ASB3: variants seen among roughly 807,000 people sequenced by gnomAD.
The protein encoded by ASB3 is ankyrin repeat and SOCS box protein 3.
A neutral mutation model predicts 54.5 loss-of-function variants in ASB3; 41 were observed. The ratio of observed to expected loss-of-function variants is 0.75; its 90% CI spans 0.59 to 0.98. ASB3 has a LOEUF of 0.98. Among genes scored for constraint, ASB3 ranks in the 50% least tolerant of loss-of-function variants. The pLI is 0.00. For synonymous variants in ASB3, 266 were observed against 221.2 expected (o/e 1.20, Z -1.80); for missense variants, 733 against 620.0 (o/e 1.18, Z -1.94).
chr2:53,745,053 C>T (rs893069956), intron 3 of ASB3, among the ~76,000 whole-genome samples: 1 of 152,142 alleles, frequency 6.6e-6, no homozygotes, highest in Non-Finnish European at 1.5e-5. Flanking sequence ...ATTTGAGCCT[C>T]CAATTTAGCA....
In ASB3 at chr2:53,671,700, AG is replaced by A. The variant is rs774040868; in HGVS notation, c.1370-1011del. On this transcript the variant is annotated intron_variant, in intron 9 of 9. Coordinates refer to ENST00000263634, the MANE Select transcript of ASB3 (RefSeq NM_016115.5). ...CTTGAACCTGGGAGGCGGAGGTTGC[AG>A]TGAGCCGAGATCATGCCACTGCACT... Among the ~76,000 whole-genome samples the A allele has an allele frequency of 8.8e-5, 13 of 148,060 alleles. 1 individual carries two copies. The highest frequency in any genetic ancestry group is 2.0e-4 in the Non-Finnish European group (13 of 66,220).
intron 9 of ASB3, among the ~76,000 whole-genome samples, chr2:53,691,963 C>A (rs948580600): frequency 1.3e-5 from 2 of 152,168 alleles, no homozygotes; most frequent in African/African-American, 2.4e-5. Flanking sequence ...ACACAAGAGT[C>A]ACTGTGGATC....
intron 2 of ASB3, among the ~76,000 whole-genome samples, chr2:53,758,661 A>C (rs1672971302): frequency 6.6e-6 from 1 of 152,194 alleles, no homozygotes; most frequent in Non-Finnish European, 1.5e-5. Flanking sequence ...GGGGTGCAGG[A>C]CTGCTACATT....
chr2:53,763,019 C>G (rs765283348), intron 2 of ASB3, among the ~76,000 whole-genome samples: 5 of 152,036 alleles, frequency 3.3e-5, no homozygotes, highest in Non-Finnish European at 5.9e-5. Flanking sequence ...TTTGGGTGCA[C>G]TAATTATCTT....
chr2:53,702,993 T>C (rs1322759546), intron 7 of ASB3, among the ~76,000 whole-genome samples: 1 of 152,248 alleles, frequency 6.6e-6, no homozygotes, highest in Non-Finnish European at 1.5e-5. Flanking sequence ...CCACACGATA[T>C]GGTGGCTAGA....
At chr2:53,727,261 A>G (rs186284239) in intron 5 of ASB3, among the ~76,000 whole-genome samples, 49 of 152,330 alleles carry the variant, frequency 3.2e-4, no homozygotes, top group Admixed American at 2.1e-3. Flanking sequence ...ATTGGCACTT[A>G]ATGAATGTTT....
chr2:53,745,324 A>G (rs1292260992), intron 3 of ASB3, among the ~76,000 whole-genome samples: 1 of 152,222 alleles, frequency 6.6e-6, no homozygotes, highest in Non-Finnish European at 1.5e-5. Context: ...GTGTGCTAGC[A>G]AAAAGATGTT....
intron 1 of ASB3, 27 bp from the exon 2 acceptor site, chr2:53,765,612 C>T: frequency 1.9e-6 from 3 of 1,613,138 alleles, no homozygotes; most frequent in Non-Finnish European, 2.5e-6. Context: ...AAGGATAATA[C>T]TATAGTCAAT....
chr2:53,704,420 AT>A (rs1445555242), intron 7 of ASB3, among the ~76,000 whole-genome samples: 3 of 151,994 alleles, frequency 2.0e-5, no homozygotes, highest in African/African-American at 7.2e-5. Context: ...TTAAGATTAT[AT>A]TCAATTGTCC....
chr2:53,784,536 TTCTC>T lies in ASB3; in HGVS notation c.-14+2281_-14+2284del, dbSNP rs762151775. ...AGAAATCAAGATGTCAGCAGGGCTA[TTCTC>T]TCTCTCTGAAAGCTCTAAAGAAGGA... On this transcript the variant is annotated intron_variant, in intron 1 of 9. Transcript: ENST00000263634. Among the ~76,000 whole-genome samples the T allele has an allele frequency of 1.2e-4, 18 of 152,324 alleles. 1 individual carries two copies. Among genetic ancestry groups the T allele is most frequent in the Admixed American group, 5.9e-4 (9 of 15,298 alleles).
At chr2:53,782,090 TC>T (rs1674680481) in intron 1 of ASB3, among the ~76,000 whole-genome samples, 3 of 152,056 alleles carry the variant, frequency 2.0e-5, no homozygotes, top group Non-Finnish European at 4.4e-5. Flanking sequence ...GATGGGAGGA[TC>T]GCTTGAGCCC....
At chr2:53,724,388 G>A (rs1050221514) in intron 5 of ASB3, among the ~76,000 whole-genome samples, 1 of 152,150 alleles carries the variant, frequency 6.6e-6, no homozygotes, top group African/African-American at 2.4e-5. Flanking sequence ...CACGAGGTGA[G>A]GAGATCAAGA....
chr2:53,711,983 G>C (rs1394732538), intron 7 of ASB3, among the ~76,000 whole-genome samples: 2 of 152,080 alleles, frequency 1.3e-5, no homozygotes, highest in Non-Finnish European at 2.9e-5. Flanking sequence ...GAACTTCTTA[G>C]CATCACTGAA....
At chr2:53,778,149 C>CAAAAA (rs34356077) in intron 1 of ASB3, among the ~76,000 whole-genome samples, 1 of 62,628 alleles carries the variant, frequency 1.6e-5, no homozygotes, top group African/African-American at 5.0e-5. Context: ...ATTCTTGTCT[C>CAAAAA]AAAAAAAAAA....
intron 2 of ASB3, among the ~76,000 whole-genome samples, chr2:53,753,046 A>T (rs896268101): frequency 5.4e-5 from 8 of 147,622 alleles, no homozygotes; most frequent in Non-Finnish European, 1.1e-4. Flanking sequence ...TACGCAATTT[A>T]AAAAAAAAAA....
At chr2:53,724,461 T>C (rs533247200) in intron 5 of ASB3, among the ~76,000 whole-genome samples, 298 of 152,158 alleles carry the variant, frequency 2.0e-3, no homozygotes, top group Non-Finnish European at 3.1e-3. Context: ...TAGCCAGGCA[T>C]GGTGGCACGT....
intron 1 of ASB3, among the ~76,000 whole-genome samples, chr2:53,783,223 C>G (rs2104229100): frequency 6.6e-6 from 1 of 151,944 alleles, no homozygotes; most frequent in East Asian, 1.9e-4. Context: ...GTCATGAGAA[C>G]AATGCATCCA....
At chr2:53,673,677 G>A (rs1325339463) in intron 9 of ASB3, among the ~76,000 whole-genome samples, 2 of 152,016 alleles carry the variant, frequency 1.3e-5, no homozygotes, top group Non-Finnish European at 1.5e-5. Flanking sequence ...TCCCAGTCCA[G>A]GGTTCTTTAA....
intron 3 of ASB3, among the ~76,000 whole-genome samples, chr2:53,746,420 T>A (rs1246543016): frequency 6.6e-6 from 1 of 152,118 alleles, no homozygotes; most frequent in African/African-American, 2.4e-5. Context: ...TTCCTATTTT[T>A]TCCATACACA....
Sources: gnomAD v4.1 joint callset for allele counts (sites outside exome capture counted in the v4.1 genomes callset) on GRCh38, gnomAD v4.1.1 for gene constraint, MANE v1.5 for transcripts, NCBI Gene and HGNC (gene_info 2026-07-23, HGNC 2026-07-21) for gene names.